PUS10: variants seen among roughly 807,000 people sequenced by gnomAD.
PUS10 encodes tRNA pseudouridine synthase Pus10.
PUS10 carries 59 observed loss-of-function variants against 75.0 expected under a neutral mutation model. That is an observed-to-expected ratio of 0.79 (90% CI 0.64 to 0.98). PUS10 has a LOEUF of 0.98. Ranked by LOEUF, PUS10 falls within the 50% of genes least tolerant of loss-of-function variation. The pLI, the probability that PUS10 is intolerant of heterozygous loss-of-function variation, is 0.00. For missense variants in PUS10, 650 were observed against 614.4 expected (o/e 1.06, Z -0.61); for synonymous variants, 219 against 211.6 (o/e 1.03, Z -0.30).
At chr2:60,944,175 T>G in intron 17 of PUS10, 3 of 976,886 alleles carry the variant, frequency 3.1e-6, no homozygotes, top group Non-Finnish European at 3.6e-6. Context: ...ACAGAAGGTT[T>G]TCTTCCTCCA....
chr2:60,994,081 G>A (rs1258841667), intron 4 of PUS10, among the ~76,000 whole-genome samples: 4 of 151,828 alleles, frequency 2.6e-5, no homozygotes, highest in African/African-American at 9.7e-5. Flanking sequence ...GAGCCACCGC[G>A]CCCGGCCAGA....
At chr2:61,004,338 C>T (rs1679055150) in intron 4 of PUS10, among the ~76,000 whole-genome samples, 1 of 152,040 alleles carries the variant, frequency 6.6e-6, no homozygotes, top group South Asian at 2.1e-4. Context: ...AATAAAGTAA[C>T]ATGTGGCCAA....
chr2:61,018,111 A>T lies in PUS10; in HGVS notation c.-119T>A. The T allele has an allele frequency of 6.5e-7, 1 of 1,546,430 alleles. No individual in the cohort carries two copies. The highest frequency in any genetic ancestry group is 8.7e-7 in the Non-Finnish European group (1 of 1,145,184). On this transcript the variant is annotated 5_prime_UTR_variant, in exon 1 of 18. Coordinates refer to ENST00000316752, the MANE Select transcript of PUS10 (RefSeq NM_144709.4). ...GCGTCTCTCTGGGTCTCTGTGCTTG[A>T]AAGAAAGGGGGGCGGCTTCCTACCT...
intron 16 of PUS10, among the ~76,000 whole-genome samples, chr2:60,947,624 T>C (rs113092404): frequency 0.14 from 21,088 of 151,872 alleles, 1,926 homozygotes; most frequent in Non-Finnish European, 0.21. Context: ...GGTCAGGAGA[T>C]AGAGACCATC....
chr2:60,999,938 G>T (rs889933245), intron 4 of PUS10, among the ~76,000 whole-genome samples: 2 of 152,098 alleles, frequency 1.3e-5, no homozygotes, highest in Admixed American at 1.3e-4. Flanking sequence ...ATCTTGAGAT[G>T]ATTTAAAGTA....
intron 1 of PUS10, among the ~76,000 whole-genome samples, chr2:61,015,404 G>T (rs1679903027): frequency 6.6e-6 from 1 of 152,128 alleles, no homozygotes; most frequent in Admixed American, 6.5e-5. Context: ...GGAGGTTGAG[G>T]CAGGAGAATC....
At chr2:61,010,895 A>T in intron 2 of PUS10, 4 of 1,549,080 alleles carry the variant, frequency 2.6e-6, no homozygotes, top group Non-Finnish European at 3.5e-6. Flanking sequence ...TCATCTGAAA[A>T]TAGAGACAAT....
At chr2:60,973,142 T>C (rs754008326) in intron 4 of PUS10, among the ~76,000 whole-genome samples, 6 of 152,086 alleles carry the variant, frequency 3.9e-5, no homozygotes, top group Non-Finnish European at 7.4e-5. Context: ...GGCCTCAACC[T>C]CGCTCCCCAT....
intron 1 of PUS10, among the ~76,000 whole-genome samples, chr2:61,012,867 A>AAAAAAAT (rs1679710007): frequency 3.6e-5 from 1 of 27,740 alleles, no homozygotes; most frequent in African/African-American, 1.8e-4. Context: ...AAAAAAAAAA[A>AAAAAAAT]ATATATATAT....
At position 60,991,393 on chromosome 2, in the gene PUS10, TA is replaced by T. The variant is rs367646806; in HGVS notation, c.468+15163del. The stretch of plus-strand genomic sequence containing the variant: ...AAATTAAAACACACACAATGAAATG[TA>T]AATTAAGAGATACAAGGAATCCAAG... On this transcript the variant is annotated intron_variant, in intron 4 of 17. Transcript: ENST00000316752. 8.4e-3 allele frequency among the ~76,000 whole-genome samples: 1,285 copies of T among 152,310 alleles called. 14 individuals are homozygous for T. The highest frequency in any genetic ancestry group is 0.048 in the Middle Eastern group (14 of 294).
chr2:60,974,741 C>T (rs755579572), intron 4 of PUS10, among the ~76,000 whole-genome samples: 20 of 152,222 alleles, frequency 1.3e-4, no homozygotes, highest in East Asian at 3.9e-4. Flanking sequence ...GCCATGACTG[C>T]GCGTGGAGCT....
intron 3 of PUS10, among the ~76,000 whole-genome samples, chr2:61,007,597 C>T (rs545250464): frequency 7.9e-5 from 12 of 151,598 alleles, no homozygotes; most frequent in Admixed American, 7.9e-4. Context: ...GGTGAAACCC[C>T]GTCTCTACTA....
chr2:60,942,742 C>T lies in PUS10; in HGVS notation c.1552-309G>A, dbSNP rs189214315. 4.5e-4 allele frequency among the ~76,000 whole-genome samples: 68 copies of T among 152,170 alleles called. 1 individual carries two copies. The highest frequency in any genetic ancestry group is 2.0e-3 in the Admixed American group (30 of 15,278). ...TTATGGGGCCAGGTGTGGTGGCTCA[C>T]ACCTTTAATCCCAGCACTTTGGGAG... On this transcript the variant is annotated intron_variant, in intron 17 of 17. Transcript: ENST00000316752.
At chr2:61,017,802 C>G in intron 1 of PUS10, 1 of 1,550,530 alleles carries the variant, frequency 6.4e-7, no homozygotes, top group Non-Finnish European at 8.7e-7. Flanking sequence ...CTGGGAGACC[C>G]GCCGAATTCC....
At chr2:60,971,478 C>T in intron 5 of PUS10, 45 bp downstream of exon 5, 1 of 1,537,140 alleles carries the variant, frequency 6.5e-7, no homozygotes, top group Non-Finnish European at 9.0e-7. Flanking sequence ...AACCAGGTAG[C>T]TTGTATTTGA....
At position 60,948,111 on chromosome 2, in the gene PUS10, A is replaced by G; in HGVS notation, c.1383T>C (p.Ile461=). The G allele has an allele frequency of 6.2e-7, 1 of 1,614,072 alleles. No homozygotes were observed. Residue 461 remains isoleucine (I), a synonymous_variant, in exon 16 of 18, where the codon ATT becomes ATC. Transcript: ENST00000316752. ...CCACGTACTGTGTCTCCATGAAGTG[A>G]ATGACGCGAGCTCGCACAGCCAGGG... ...RRPLAVRARV[I]HFMETQYVDE...
intron 17 of PUS10, among the ~76,000 whole-genome samples, chr2:60,944,673 A>G (rs1208622298): frequency 2.6e-5 from 4 of 152,206 alleles, no homozygotes; most frequent in African/African-American, 9.6e-5. Context: ...ACCCTTGTGA[A>G]TCCATGTTTC....
At chr2:60,950,301 G>T in intron 15 of PUS10, among the ~76,000 whole-genome samples, 1 of 152,086 alleles carries the variant, frequency 6.6e-6, no homozygotes. Flanking sequence ...TTTTTCTCAT[G>T]TCATAAGTGC....
intron 15 of PUS10, among the ~76,000 whole-genome samples, chr2:60,949,750 C>T (rs1308574247): frequency 1.3e-5 from 2 of 152,140 alleles, no homozygotes; most frequent in African/African-American, 4.8e-5. Flanking sequence ...TTAAAAAAGA[C>T]CCTTTCACCA....
Sources: allele counts gnomAD v4.1 joint callset (sites outside exome capture counted in the v4.1 genomes callset), GRCh38; gene constraint gnomAD v4.1.1; transcripts MANE v1.5; gene names NCBI Gene and HGNC (gene_info 2026-07-23, HGNC 2026-07-21).